The following ZSWIM6 variants were observed in gnomAD, a reference collection of about 807,000 sequenced individuals.
The protein encoded by ZSWIM6 is zinc finger SWIM domain-containing protein 6.
Under a neutral mutation model 113.2 loss-of-function variants are expected in ZSWIM6, and 9 were observed. That is an observed-to-expected ratio of 0.08 (90% CI 0.05 to 0.14). ZSWIM6 has a LOEUF of 0.14. Ranked by LOEUF, ZSWIM6 falls within the 10% of genes least tolerant of loss-of-function variation. The pLI, the probability that ZSWIM6 is intolerant of heterozygous loss-of-function variation, is 1.00. For synonymous variants in ZSWIM6, 611 were observed against 606.5 expected (o/e 1.01, Z -0.11); for missense variants, 1,162 against 1,552.2 (o/e 0.75, Z 4.22).
intron 2 of ZSWIM6, among the ~76,000 whole-genome samples, chr5:61,483,819 G>A (rs1747943963): frequency 6.6e-6 from 1 of 151,594 alleles, no homozygotes; most frequent in African/African-American, 2.4e-5. Flanking sequence ...AGAGCTTGCA[G>A]TGAGCCGAGA....
intron 7 of ZSWIM6, among the ~76,000 whole-genome samples, chr5:61,527,118 T>A (rs1749306114): frequency 6.6e-6 from 1 of 152,230 alleles, no homozygotes; most frequent in Non-Finnish European, 1.5e-5. Flanking sequence ...CTTTTAAATT[T>A]TGAATAACTA....
intron 12 of ZSWIM6, among the ~76,000 whole-genome samples, 190 bp downstream of exon 12, chr5:61,539,949 A>G (rs575655857): frequency 6.6e-6 from 1 of 152,304 alleles, no homozygotes; most frequent in African/African-American, 2.4e-5. Context: ...CTGCTATGTA[A>G]GGTGCATGGA....
At chr5:61,424,019 C>T (rs749058599) in intron 1 of ZSWIM6, among the ~76,000 whole-genome samples, 7 of 152,178 alleles carry the variant, frequency 4.6e-5, no homozygotes, top group Non-Finnish European at 1.0e-4. Flanking sequence ...TTGATCACTT[C>T]TGCTGATGGC....
intron 4 of ZSWIM6, among the ~76,000 whole-genome samples, chr5:61,503,508 G>C (rs570451870): frequency 6.6e-6 from 1 of 152,204 alleles, no homozygotes; most frequent in Non-Finnish European, 1.5e-5. Context: ...TAGATTGGAA[G>C]CCATAGTCTT....
intron 1 of ZSWIM6, among the ~76,000 whole-genome samples, chr5:61,393,966 C>G (rs1323663098): frequency 6.6e-6 from 1 of 152,036 alleles, no homozygotes; most frequent in African/African-American, 2.4e-5. Context: ...ACCCCTGAGT[C>G]AAAGTATATG....
At chr5:61,361,234 A>G (rs984480098) in intron 1 of ZSWIM6, among the ~76,000 whole-genome samples, 1 of 152,116 alleles carries the variant, frequency 6.6e-6, no homozygotes. Flanking sequence ...TGAGATTGGT[A>G]GTTACCTTTA....
chr5:61,535,668 GGAA>G, intron 10 of ZSWIM6, 49 bp downstream of exon 10: 1 of 1,546,050 alleles, frequency 6.5e-7, no homozygotes, highest in South Asian at 1.2e-5. Flanking sequence ...ATTCCCACTG[GGAA>G]GCATGGCTGT....
chr5:61,431,948 C>T (rs1561234954), intron 1 of ZSWIM6, among the ~76,000 whole-genome samples: 1 of 152,022 alleles, frequency 6.6e-6, no homozygotes, highest in Non-Finnish European at 1.5e-5. Flanking sequence ...TGGGACTGGG[C>T]TAAAACTGTA....
chr5:61,458,019 T>C (rs138099012), intron 1 of ZSWIM6, among the ~76,000 whole-genome samples: 158 of 152,336 alleles, frequency 1.0e-3, no homozygotes, highest in African/African-American at 3.6e-3. Flanking sequence ...ATTCTTGTTT[T>C]ATCATTTGAT....
chr5:61,425,013 C>T (rs781450356), intron 1 of ZSWIM6, among the ~76,000 whole-genome samples: 39 of 151,890 alleles, frequency 2.6e-4, no homozygotes, highest in Admixed American at 7.9e-4. Context: ...CCACTGCGCC[C>T]GGCACTAATC....
At chr5:61,342,024 C>T (rs1579940971) in intron 1 of ZSWIM6, among the ~76,000 whole-genome samples, 1 of 152,050 alleles carries the variant, frequency 6.6e-6, no homozygotes, top group South Asian at 2.1e-4. Flanking sequence ...GGATTACAGA[C>T]ATGCGCCATG....
chr5:61,469,242 A>G (rs1156262142), intron 1 of ZSWIM6, among the ~76,000 whole-genome samples: 3 of 152,214 alleles, frequency 2.0e-5, no homozygotes, highest in African/African-American at 4.8e-5. Flanking sequence ...ATTCAGTAAC[A>G]CCCTAAATGG....
At chr5:61,424,840 G>C (rs1032239967) in intron 1 of ZSWIM6, among the ~76,000 whole-genome samples, 10 of 150,312 alleles carry the variant, frequency 6.7e-5, no homozygotes, top group African/African-American at 2.5e-4. Context: ...CAATTCTCCT[G>C]CCTCAGCCTC....
At chr5:61,344,059 A>G (rs1032389496) in intron 1 of ZSWIM6, among the ~76,000 whole-genome samples, 1 of 151,780 alleles carries the variant, frequency 6.6e-6, no homozygotes, top group African/African-American at 2.4e-5. Context: ...ACGCCTGGCT[A>G]ATTTTTTGTA....
At chr5:61,418,304 G>A (rs995990268) in intron 1 of ZSWIM6, among the ~76,000 whole-genome samples, 1 of 152,076 alleles carries the variant, frequency 6.6e-6, no homozygotes, top group South Asian at 2.1e-4. Flanking sequence ...ATCTTGCTCT[G>A]TCGCCCAGGC....
chr5:61,396,271 C>T (rs911381952), intron 1 of ZSWIM6, among the ~76,000 whole-genome samples: 6 of 152,124 alleles, frequency 3.9e-5, no homozygotes, highest in South Asian at 2.1e-4. Flanking sequence ...CAGTGGCTCA[C>T]GCCTGTAATC....
Position 61,544,318 on chromosome 5 carries a change from T to C in ZSWIM6, c.*1T>C, listed in dbSNP as rs1304850597. ...GTTGGTTCGGGAGAGGTTTGGTTGA[T>C]AGATCTTGTATGAATGGGGTGGGGG... On this transcript the variant is annotated 3_prime_UTR_variant, in exon 14 of 14. Transcript: ENST00000252744. 4 of 920,410 alleles carry C rather than the reference T, an allele frequency of 4.3e-6. No individual in the cohort carries two copies. In the African/African-American group the frequency reaches 6.0e-5, roughly 14 times the overall value. 57.0% of individuals were successfully genotyped at this position (920,410 alleles called of 1,614,324 possible). A position where few individuals can be genotyped will look rare whatever the true frequency, so the allele number is the denominator to read the frequency against.
chr5:61,442,590 C>T (rs1177347111), intron 1 of ZSWIM6, among the ~76,000 whole-genome samples: 1 of 152,182 alleles, frequency 6.6e-6, no homozygotes, highest in Non-Finnish European at 1.5e-5. Flanking sequence ...CCTGATTAGT[C>T]ATGTGAAATG....
chr5:61,480,437 T>G (rs1174593704), intron 2 of ZSWIM6, among the ~76,000 whole-genome samples: 1 of 152,182 alleles, frequency 6.6e-6, no homozygotes, highest in Non-Finnish European at 1.5e-5. Flanking sequence ...CCGGTGCACA[T>G]CAGCCTTTCC....
Sources: gnomAD v4.1 joint callset for allele counts (sites outside exome capture counted in the v4.1 genomes callset) on GRCh38, gnomAD v4.1.1 for gene constraint, MANE v1.5 for transcripts, NCBI Gene and HGNC (gene_info 2026-07-23, HGNC 2026-07-21) for gene names.